The following ADGRL2 variants were observed in gnomAD, a reference collection of about 807,000 sequenced individuals.
ADGRL2 encodes the protein adhesion G protein-coupled receptor L2, also known as calcium-independent alpha-latrotoxin receptor 2.
ADGRL2 carries 44 observed loss-of-function variants against 157.4 expected under a neutral mutation model. The ratio of observed to expected loss-of-function variants is 0.28; its 90% confidence interval spans 0.22 to 0.36. The LOEUF (loss-of-function observed/expected upper bound fraction) is 0.36. Ranked by LOEUF, ADGRL2 falls within the 10% of genes least tolerant of loss-of-function variation. The pLI is 1.00. For missense variants in ADGRL2, 1,510 were observed against 1,768.9 expected, an observed-to-expected ratio of 0.85 and a Z score of 2.63; for synonymous variants, 585 against 624.7, an observed-to-expected ratio of 0.94 and a Z score of 0.95.
intron 2 of ADGRL2, among the ~76,000 whole-genome samples, chr1:81,518,457 C>G (rs757079881): frequency 4.6e-5 from 7 of 152,170 alleles, no homozygotes; most frequent in African/African-American, 1.7e-4. Context: ...CACTCAGGAG[C>G]CACTATCCAG....
chr1:81,965,944 T>A, intron 11 of ADGRL2, 114 bp from the exon 12 acceptor site: 2 of 1,107,398 alleles, frequency 1.8e-6, no homozygotes, highest in Admixed American at 2.5e-5. Context: ...ACAGTAAAAT[T>A]TTTTAAGTAG....
intron 1 of ADGRL2, among the ~76,000 whole-genome samples, chr1:81,714,913 T>C (rs2084060092): frequency 1.3e-5 from 2 of 152,060 alleles, no homozygotes; most frequent in African/African-American, 2.4e-5. Context: ...TGTAAGTCCT[T>C]AATTTCTTTC....
At chr1:81,308,339 G>T (rs1417816578) in intron 1 of ADGRL2, among the ~76,000 whole-genome samples, 1 of 152,040 alleles carries the variant, frequency 6.6e-6, no homozygotes. Flanking sequence ...GAAAGAAAAG[G>T]ATTTGTCACT....
At chr1:81,401,359 T>C (rs551359654) in intron 1 of ADGRL2, among the ~76,000 whole-genome samples, 35 of 152,208 alleles carry the variant, frequency 2.3e-4, no homozygotes, top group South Asian at 6.2e-4. Context: ...AAGGTGCTGC[T>C]TGGGGCAACC....
chr1:81,604,542 G>T (rs2081395227), intron 3 of ADGRL2, among the ~76,000 whole-genome samples: 2 of 152,192 alleles, frequency 1.3e-5, no homozygotes, highest in East Asian at 3.8e-4. Flanking sequence ...ACATTGTTGA[G>T]ATTTTATAAG....
At position 81,524,479 on chromosome 1, in the gene ADGRL2, C is replaced by T. The variant is rs531378267; in HGVS notation, c.-247-56397C>T. ...GGATTATACACATACATGTGAAAAA[C>T]TACATATATATAGGATGCCATTACA... On this transcript the variant is annotated intron_variant, in intron 2 of 24. Transcript: ENST00000370721. 2.8e-4 allele frequency among the ~76,000 whole-genome samples: 43 copies of T among 152,066 alleles called. No homozygotes were observed. The South Asian group carries it at 7.3e-3, about 26-fold the overall frequency.
At chr1:81,890,151 G>A (rs1185843896) in intron 2 of ADGRL2, among the ~76,000 whole-genome samples, 1 of 152,120 alleles carries the variant, frequency 6.6e-6, no homozygotes, top group East Asian at 1.9e-4. Context: ...TGTTAGAGGA[G>A]GCTTTAAAAG....
chr1:81,614,668 C>T (rs180673828), intron 3 of ADGRL2, among the ~76,000 whole-genome samples: 74 of 152,138 alleles, frequency 4.9e-4, no homozygotes, highest in African/African-American at 1.7e-3. Flanking sequence ...GGCTCATGGG[C>T]GTATTGGAAT....
chr1:81,582,057 C>T (rs1209663148), intron 3 of ADGRL2, among the ~76,000 whole-genome samples: 1 of 151,976 alleles, frequency 6.6e-6, no homozygotes, highest in Non-Finnish European at 1.5e-5. Flanking sequence ...CCTGTCTCTA[C>T]TAAAAATACA....
At position 81,968,067 on chromosome 1, in the gene ADGRL2, C is replaced by T. The variant is rs755773803; in HGVS notation, c.2391C>T (p.Tyr797=). ...ATGCAAACTGCTCCTTCTGGAACTA[C>T]TCAGAGAGAACTATGATGGGATATT... ...YFNANCSFWN[Y]SERTMMGYWS... The change falls in exon 14 of 24, where the codon TAC becomes TAT. Residue 797 remains tyrosine, a synonymous_variant. Transcript: ENST00000686636. 5.0e-6 allele frequency: 8 copies of T among 1,613,842 alleles called. No homozygotes were observed. In the African/African-American group the frequency reaches 1.1e-4, roughly 22 times the overall value.
intron 2 of ADGRL2, among the ~76,000 whole-genome samples, chr1:81,871,580 A>G (rs1024342314): frequency 6.6e-6 from 1 of 152,134 alleles, no homozygotes; most frequent in African/African-American, 2.4e-5. Context: ...ATTTCTCCAC[A>G]TCCTCTCCAG....
intron 2 of ADGRL2, chr1:81,503,286 C>A: frequency 6.2e-7 from 1 of 1,614,186 alleles, no homozygotes. Context: ...CTGTGGACAT[C>A]GATGGCACCA....
intron 1 of ADGRL2, among the ~76,000 whole-genome samples, chr1:81,746,486 T>G (rs1571045811): frequency 6.6e-6 from 1 of 152,152 alleles, no homozygotes; most frequent in South Asian, 2.1e-4. Flanking sequence ...GATGGGGTTT[T>G]ACCATGTTGC....
intron 3 of ADGRL2, among the ~76,000 whole-genome samples, chr1:81,934,487 A>T (rs941012872): frequency 6.6e-6 from 1 of 151,592 alleles, no homozygotes; most frequent in African/African-American, 2.4e-5. Flanking sequence ...TTGAAAAATT[A>T]TATATATATA....
At chr1:81,773,749 G>A (rs769804274) in intron 2 of ADGRL2, among the ~76,000 whole-genome samples, 6 of 152,104 alleles carry the variant, frequency 3.9e-5, no homozygotes, top group Non-Finnish European at 7.3e-5. Flanking sequence ...CTGGTTGGTC[G>A]ATTTAAATTT....
intron 1 of ADGRL2, among the ~76,000 whole-genome samples, chr1:81,370,339 G>C (rs898599344): frequency 6.6e-6 from 1 of 152,048 alleles, no homozygotes; most frequent in African/African-American, 2.4e-5. Context: ...ATCATTGTTG[G>C]AGATATTTTT....
intron 1 of ADGRL2, among the ~76,000 whole-genome samples, chr1:81,357,714 G>C (rs1444599454): frequency 2.0e-5 from 3 of 152,120 alleles, no homozygotes; most frequent in Non-Finnish European, 4.4e-5. Flanking sequence ...AGGCAGGCTT[G>C]GGGGTAGAAG....
intron 2 of ADGRL2, among the ~76,000 whole-genome samples, chr1:81,543,425 C>A (rs2079937838): frequency 6.6e-6 from 1 of 152,196 alleles, no homozygotes; most frequent in Non-Finnish European, 1.5e-5. Flanking sequence ...CTTTGACTTC[C>A]CAGCCTCTAA....
At chr1:81,968,591 A>G (rs571888126) in intron 14 of ADGRL2, among the ~76,000 whole-genome samples, 23 of 152,280 alleles carry the variant, frequency 1.5e-4, no homozygotes, top group African/African-American at 5.5e-4. Flanking sequence ...CACTTTGCAC[A>G]TTGTGCAAAG....
Sources: gnomAD v4.1 joint callset for allele counts (sites outside exome capture counted in the v4.1 genomes callset) on GRCh38, gnomAD v4.1.1 for gene constraint, MANE v1.5 for transcripts, NCBI Gene and HGNC (gene_info 2026-07-23, HGNC 2026-07-21) for gene names.